The following NEO1 variants were observed in gnomAD, a reference collection of about 807,000 sequenced individuals.
NEO1 encodes neogenin.
Under a neutral mutation model 159.7 loss-of-function variants are expected in NEO1, and 63 were observed. The observed-to-expected ratio is 0.39, with a 90% CI of 0.32 to 0.49. The LOEUF is 0.49. Among genes scored for constraint, NEO1 ranks in the 20% least tolerant of loss-of-function variants. The pLI, the probability that NEO1 is intolerant of heterozygous loss-of-function variation, is 0.85. For synonymous variants in NEO1, 633 were observed against 662.0 expected (o/e 0.96, Z 0.67); for missense variants, 1,615 against 1,831.0 (o/e 0.88, Z 2.15).
chr15:73,145,785 T>C (rs1422030293), intron 5 of NEO1, among the ~76,000 whole-genome samples: 2 of 152,196 alleles, frequency 1.3e-5, no homozygotes, highest in African/African-American at 4.8e-5. Flanking sequence ...GAAGAAGCTT[T>C]ATGTATCTTC....
intron 14 of NEO1, among the ~76,000 whole-genome samples, chr15:73,259,790 G>A (rs1333453403): frequency 6.6e-6 from 1 of 152,212 alleles, no homozygotes; most frequent in East Asian, 1.9e-4. Flanking sequence ...AAACTTTCAT[G>A]TTTTCTGACT....
chr15:73,232,869 G>A (rs556107546), intron 7 of NEO1, among the ~76,000 whole-genome samples: 10 of 152,316 alleles, frequency 6.6e-5, no homozygotes, highest in Non-Finnish European at 1.3e-4. Flanking sequence ...TAGGGCCTGC[G>A]CTAGCCTGGT....
rs1342802488 is a variant in NEO1, at chr15:73,079,303, C to T, written c.130+26498C>T. The stretch of plus-strand genomic sequence containing the variant: ...TATGTTAAGACATTTAAGGCAATTT[C>T]TAGAAATCTTTTTCCCTTGAAAAGA... On this transcript the variant is annotated intron_variant, in intron 1 of 28. Coordinates refer to ENST00000261908, the MANE Select transcript of NEO1 (RefSeq NM_002499.4). Among the ~76,000 whole-genome samples the T allele has an allele frequency of 3.3e-5, 5 of 152,158 alleles. 1 individual carries two copies. In the South Asian group the frequency reaches 1.0e-3, roughly 32 times the overall value.
chr15:73,211,439 G>A (rs1351332439), intron 7 of NEO1, among the ~76,000 whole-genome samples: 1 of 151,852 alleles, frequency 6.6e-6, no homozygotes, highest in African/African-American at 2.4e-5. Context: ...AGGTGGGGCC[G>A]GGCGTGTTGG....
intron 5 of NEO1, among the ~76,000 whole-genome samples, chr15:73,171,428 G>A (rs1462128949): frequency 6.6e-6 from 1 of 151,724 alleles, no homozygotes; most frequent in Non-Finnish European, 1.5e-5. Context: ...GCTGGGTGTG[G>A]TGGTGCGTTC....
At chr15:73,301,480 C>A in intron 28 of NEO1, 23 bp downstream of exon 28, 2 of 1,613,986 alleles carry the variant, frequency 1.2e-6, no homozygotes, top group South Asian at 2.2e-5. Context: ...GGCCATCAGT[C>A]CAGCCAGATT....
At chr15:73,120,631 C>CTT (rs11462324) in intron 2 of NEO1, among the ~76,000 whole-genome samples, 16 of 143,624 alleles carry the variant, frequency 1.1e-4, no homozygotes, top group South Asian at 4.4e-4. Context: ...ATTTTAAGTA[C>CTT]TTTTTTTTTT....
intron 1 of NEO1, among the ~76,000 whole-genome samples, chr15:73,093,962 C>T (rs147611304): frequency 2.0e-5 from 3 of 152,050 alleles, no homozygotes; most frequent in African/African-American, 7.3e-5. Context: ...TTAGCACTTC[C>T]TTACCTTTGG....
chr15:73,102,637 T>C (rs1216988350), intron 1 of NEO1, among the ~76,000 whole-genome samples: 2 of 152,216 alleles, frequency 1.3e-5, no homozygotes, highest in Non-Finnish European at 2.9e-5. Flanking sequence ...TTCCTTTGGC[T>C]TTTGGGATGC....
intron 2 of NEO1, among the ~76,000 whole-genome samples, chr15:73,121,663 C>G (rs2071660283): frequency 6.6e-6 from 1 of 152,088 alleles, no homozygotes; most frequent in East Asian, 1.9e-4. Context: ...GGTGATTTTT[C>G]TAGTTCCATC....
At chr15:73,259,024 G>C in intron 14 of NEO1, 148 bp downstream of exon 14, 1 of 629,262 alleles carries the variant, frequency 1.6e-6, no homozygotes, top group South Asian at 1.9e-5. Flanking sequence ...GTATTGCATC[G>C]AGGCTGCTGG....
At chr15:73,095,395 G>A (rs1351211334) in intron 1 of NEO1, among the ~76,000 whole-genome samples, 1 of 152,004 alleles carries the variant, frequency 6.6e-6, no homozygotes. Context: ...TTTCTGTCTG[G>A]CCCTCTACAG....
chr15:73,148,123 T>C (rs761415450), intron 5 of NEO1, among the ~76,000 whole-genome samples: 7 of 152,206 alleles, frequency 4.6e-5, no homozygotes, highest in Admixed American at 2.0e-4. Context: ...GCAAATGTTT[T>C]TCATGTAGTA....
intron 5 of NEO1, among the ~76,000 whole-genome samples, chr15:73,155,790 T>C (rs2033728738): frequency 6.6e-6 from 1 of 152,244 alleles, no homozygotes; most frequent in Non-Finnish European, 1.5e-5. Flanking sequence ...CAATGAATTG[T>C]TCAGTTCTAG....
At chr15:73,058,644 T>G (rs2067834425) in intron 1 of NEO1, among the ~76,000 whole-genome samples, 1 of 152,202 alleles carries the variant, frequency 6.6e-6, no homozygotes, top group Admixed American at 6.5e-5. Flanking sequence ...TCATTAAGAA[T>G]AATTCCATTG....
Position 73,121,312 on chromosome 15 carries a change from T to A in NEO1, c.449-1213T>A, listed in dbSNP as rs939919855. Among the ~76,000 whole-genome samples the A allele has an allele frequency of 5.9e-5, 9 of 152,172 alleles. No individual in the cohort carries two copies. In the South Asian group the frequency reaches 1.9e-3, roughly 32 times the overall value. ...AAACTCTTTAGATATAACTTGGTTTTTCCTTGCCTCATTTTGAGTTTGTTT... is the reference window on the plus strand; with the variant it reads ...AAACTCTTTAGATATAACTTGGTTTATCCTTGCCTCATTTTGAGTTTGTTT... On this transcript the variant is annotated intron_variant, in intron 2 of 28. Transcript: ENST00000261908.
chr15:73,150,535 T>G (rs929766705), intron 5 of NEO1, among the ~76,000 whole-genome samples: 1 of 152,182 alleles, frequency 6.6e-6, no homozygotes, highest in Non-Finnish European at 1.5e-5. Flanking sequence ...TTAATCAATC[T>G]AAATTTTTTG....
chr15:73,179,865 A>ATG (rs1182546103), intron 7 of NEO1, among the ~76,000 whole-genome samples: 1 of 148,702 alleles, frequency 6.7e-6, no homozygotes, highest in Non-Finnish European at 1.5e-5. Flanking sequence ...AATAATATGT[A>ATG]TATATATATA....
intron 7 of NEO1, among the ~76,000 whole-genome samples, chr15:73,183,614 C>T (rs1372114734): frequency 1.3e-5 from 2 of 152,128 alleles, no homozygotes; most frequent in African/African-American, 2.4e-5. Context: ...AGAGGGCCTA[C>T]CTAAGACTGA....
Sources: allele counts gnomAD v4.1 joint callset (sites outside exome capture counted in the v4.1 genomes callset), GRCh38; gene constraint gnomAD v4.1.1; transcripts MANE v1.5; gene names NCBI Gene and HGNC (gene_info 2026-07-23, HGNC 2026-07-21).